Variants in TSC1 observed in about 807,000 individuals in gnomAD.
TSC1 encodes hamartin.
Under a neutral mutation model 124.3 loss-of-function variants are expected in TSC1, and 20 were observed. That is an observed-to-expected ratio of 0.16 (90% confidence interval 0.11 to 0.23). The LOEUF (loss-of-function observed/expected upper bound fraction) is 0.23. TSC1 is among the 10% of genes least tolerant of loss of function. TSC1 has a pLI of 1.00. For synonymous variants in TSC1, 493 were observed against 539.1 expected (o/e 0.91, Z 1.19); for missense variants, 1,124 against 1,448.5 (o/e 0.78, Z 3.64).
intron 8 of TSC1, among the ~76,000 whole-genome samples, chr9:132,915,009 A>G (rs1430418167): frequency 2.0e-5 from 3 of 151,884 alleles, no homozygotes; most frequent in African/African-American, 7.3e-5. Context: ...ACCACACCCC[A>G]TCTCTACAAC....
At chr9:132,907,918 C>A (rs11243932) in intron 12 of TSC1, among the ~76,000 whole-genome samples, 23,874 of 152,242 alleles carry the variant, frequency 0.16, 1,980 homozygotes, top group African/African-American at 0.22. Flanking sequence ...AAAACCCCAT[C>A]TCTACAAAAA....
rs1312356975 is a variant in TSC1 at position 132,906,554 on chromosome 9, A to C, written c.1438+177T>G. 1.7e-6 allele frequency: 1 copy of C among 579,314 alleles called. No homozygotes were observed. Among genetic ancestry groups the C allele is most frequent in the Non-Finnish European group, 3.0e-6 (1 of 329,890 alleles). The allele number at this position is 579,314 out of a possible 1,614,324, so 35.9% of individuals were successfully genotyped here. On this transcript the variant is annotated intron_variant, in intron 14 of 22. Coordinates refer to ENST00000298552, the MANE Select transcript of TSC1 (RefSeq NM_000368.5). The surrounding 1 kb of genome is among the most constrained non-coding windows in gnomAD (Gnocchi z 4.1). ...ACAGAGCAAGACCCTGTCTCAAAAA[A>C]AAAAAAAAAAAAAGTGGCATCACTT...
chr9:132,928,234 A>G (rs1846997865), intron 3 of TSC1, among the ~76,000 whole-genome samples: 1 of 152,188 alleles, frequency 6.6e-6, no homozygotes, highest in African/African-American at 2.4e-5. Context: ...TATTTCACTC[A>G]AAGCTGTAAT....
chr9:132,943,094 C>T (rs571877500), intron 1 of TSC1, among the ~76,000 whole-genome samples: 6 of 152,196 alleles, frequency 3.9e-5, no homozygotes, highest in Admixed American at 1.3e-4. Flanking sequence ...TCCACTTTGC[C>T]GGCCTGTTTG....
chr9:132,913,300 A>G (rs748063629), intron 8 of TSC1, among the ~76,000 whole-genome samples: 4 of 152,194 alleles, frequency 2.6e-5, no homozygotes, highest in Non-Finnish European at 5.9e-5. Flanking sequence ...AAATTAGTCA[A>G]TCTTGCTAAG....
chr9:132,906,309 G>C lies in TSC1; in HGVS notation c.1439-170C>G. The C allele has an allele frequency of 7.9e-6, 6 of 763,076 alleles. No individual in the cohort carries two copies. The highest frequency in any genetic ancestry group is 1.3e-5 in the Non-Finnish European group (6 of 450,104). The allele number at this position is 763,076 out of a possible 1,614,324, so 47.3% of individuals were successfully genotyped here. On this transcript the variant is annotated intron_variant, in intron 14 of 22. Coordinates refer to ENST00000298552, the MANE Select transcript of TSC1 (RefSeq NM_000368.5). The surrounding 1 kb of genome is among the most constrained non-coding windows in gnomAD (Gnocchi z 4.1). The stretch of plus-strand genomic sequence containing the variant: ...GCCTGTAATGCCAGAACTTTGGGAG[G>C]CTGAGGAGGGAGGATCACTTGAGCC...
At chr9:132,897,678 G>A in intron 20 of TSC1, 68 bp from the exon 21 acceptor site, 1 of 1,550,576 alleles carries the variant, frequency 6.4e-7, no homozygotes, top group Non-Finnish European at 8.6e-7. Context: ...TATCCATTTT[G>A]AAAAGACAAT....
At chr9:132,908,039 A>G (rs888232088) in intron 12 of TSC1, among the ~76,000 whole-genome samples, 1 of 152,192 alleles carries the variant, frequency 6.6e-6, no homozygotes, top group Non-Finnish European at 1.5e-5. Flanking sequence ...GAGAGCTGCA[A>G]TTGTGCCACT....
At chr9:132,898,293 GA>G (rs1845192646) in intron 20 of TSC1, among the ~76,000 whole-genome samples, 2 of 152,354 alleles carry the variant, frequency 1.3e-5, no homozygotes, top group African/African-American at 4.8e-5. Flanking sequence ...GGAACAGCTT[GA>G]AACCCAGAGC....
intron 8 of TSC1, among the ~76,000 whole-genome samples, chr9:132,913,081 G>A (rs547782856): frequency 3.4e-4 from 52 of 152,152 alleles, no homozygotes; most frequent in African/African-American, 1.2e-3. Flanking sequence ...TGGGACTACA[G>A]GCACGTGCCA....
chr9:132,901,762 C>T (rs1032855714), intron 18 of TSC1, 63 bp from the exon 19 acceptor site: 1 of 1,467,124 alleles, frequency 6.8e-7, no homozygotes, highest in African/African-American at 1.4e-5. Context: ...ACAGGCCTAC[C>T]TAGCCACCAG....
At chr9:132,912,530 A>T in intron 8 of TSC1, 73 bp from the exon 9 acceptor site, 1 of 1,572,728 alleles carries the variant, frequency 6.4e-7, no homozygotes, top group Non-Finnish European at 8.7e-7. Flanking sequence ...GTGTCAACTC[A>T]GTGCCAGCCA....
intron 4 of TSC1, chr9:132,925,968 C>A (rs1462955377): frequency 3.5e-6 from 2 of 564,580 alleles, no homozygotes; most frequent in Non-Finnish European, 6.3e-6. Context: ...AAAAAGGACC[C>A]TACAATACAC....
intron 12 of TSC1, among the ~76,000 whole-genome samples, chr9:132,908,613 C>CTT (rs754733739): frequency 2.1e-5 from 3 of 140,046 alleles, no homozygotes; most frequent in Non-Finnish European, 1.6e-5. Flanking sequence ...CCACACCTGG[C>CTT]TTTTTTTTTT....
chr9:132,936,096 G>A (rs982366541), intron 1 of TSC1, among the ~76,000 whole-genome samples: 2 of 152,164 alleles, frequency 1.3e-5, no homozygotes, highest in African/African-American at 2.4e-5. Flanking sequence ...ATGACTAGAA[G>A]TTAAAATCTT....
chr9:132,892,723 C>T lies in TSC1; in HGVS notation c.*3512G>A, dbSNP rs1461780317. 1 of 233,210 alleles carries T rather than the reference C, an allele frequency of 4.3e-6. No homozygotes were observed. Among genetic ancestry groups the T allele is most frequent in the African/African-American group, 2.2e-5 (1 of 45,350 alleles). 14.4% of individuals were successfully genotyped at this position (233,210 alleles called of 1,614,324 possible). A position where few individuals can be genotyped will look rare whatever the true frequency, so the allele number is the denominator to read the frequency against. On this transcript the variant is annotated 3_prime_UTR_variant, in exon 23 of 23. Transcript: ENST00000298552. ...TTCCTTCTTCAAGTGGTATGCTCTA[C>T]TATTTGGTAGAAATTCACATTGGCT...
chr9:132,899,093 A>AT (rs1187665242), intron 20 of TSC1: 1 of 151,966 alleles, frequency 6.6e-6, no homozygotes, highest in Non-Finnish European at 1.5e-5. Context: ...CACCTGGCTA[A>AT]TTTTTTGTAT....
intron 2 of TSC1, among the ~76,000 whole-genome samples, chr9:132,933,667 C>T (rs1277274820): frequency 6.6e-6 from 1 of 152,100 alleles, no homozygotes; most frequent in Non-Finnish European, 1.5e-5. Context: ...ACATAGTGAC[C>T]ACAGGAGTAA....
At position 132,892,492 on chromosome 9, in the gene TSC1, C is replaced by A. The variant is rs1004091420; in HGVS notation, c.*3743G>T. The A allele has an allele frequency of 4.3e-6, 1 of 233,266 alleles. No homozygotes were observed. Among genetic ancestry groups the A allele is most frequent in the African/African-American group, 2.2e-5 (1 of 45,336 alleles). 14.4% of individuals were successfully genotyped at this position (233,266 alleles called of 1,614,324 possible). A position where few individuals can be genotyped will look rare whatever the true frequency, so the allele number is the denominator to read the frequency against. On this transcript the variant is annotated 3_prime_UTR_variant, in exon 23 of 23. Transcript: ENST00000298552. ...CTCCACACCAGGCAGCTTCCTTCTC[C>A]AGGTGGGGCAGAGCCCCCTGGGGGA... is the stretch of plus-strand genomic sequence containing the variant.
Sources: gnomAD v4.1 joint callset for allele counts (sites outside exome capture counted in the v4.1 genomes callset) on GRCh38, gnomAD v4.1.1 for gene constraint, Gnocchi (gnomAD v3.1) non-coding constraint, MANE v1.5 for transcripts, NCBI Gene and HGNC (gene_info 2026-07-23, HGNC 2026-07-21) for gene names.